Variants in HACD4 observed in about 807,000 individuals in gnomAD.
HACD4 encodes very-long-chain (3R)-3-hydroxyacyl-CoA dehydratase 4.
In HACD4, 35 loss-of-function variants were observed where a neutral mutation model predicts 33.3. That is an observed-to-expected ratio of 1.05 (90% CI 0.80 to 1.39). The LOEUF is 1.39. HACD4 is among the 40% of genes most tolerant of loss of function. The pLI, the probability that HACD4 is intolerant of heterozygous loss-of-function variation, is 0.00. For synonymous variants in HACD4, 118 were observed against 98.0 expected (o/e 1.20, Z -1.21); for missense variants, 323 against 276.5 (o/e 1.17, Z -1.19).
intron 4 of HACD4, among the ~76,000 whole-genome samples, chr9:21,013,555 C>G (rs1182145348): frequency 6.6e-6 from 1 of 152,158 alleles, no homozygotes; most frequent in African/African-American, 2.4e-5. Context: ...TATCTGGGTT[C>G]TAATAGGGAT....
In HACD4 at chr9:21,011,709, A is replaced by G; in HGVS notation, c.384-14T>C. On this transcript the variant is annotated splice_polypyrimidine_tract_variant and intron_variant, in intron 4 of 6. Coordinates refer to ENST00000495827, the MANE Select transcript of HACD4 (RefSeq NM_001010915.5). ...CTATAAGTGTACCTGAAAGGAGATG[A>G]GAAGCTCATAAACATCATTTTCTGC... 1 of 1,414,104 alleles carries G rather than the reference A, an allele frequency of 7.1e-7. No homozygotes were observed. The highest frequency in any genetic ancestry group is 9.9e-7 in the Non-Finnish European group (1 of 1,010,182). The allele number at this position is 1,414,104 out of a possible 1,614,324, so 87.6% of individuals were successfully genotyped here.
chr9:21,028,454 A>C (rs149538878), intron 2 of HACD4, among the ~76,000 whole-genome samples: 8 of 152,244 alleles, frequency 5.3e-5, no homozygotes, highest in Non-Finnish European at 1.2e-4. Context: ...AGGCGAGACT[A>C]TATCTGTAGA....
intron 4 of HACD4, among the ~76,000 whole-genome samples, chr9:21,013,115 C>T (rs936226368): frequency 1.0e-4 from 15 of 149,926 alleles, no homozygotes; most frequent in African/African-American, 3.4e-4. Flanking sequence ...TCCAATTTAT[C>T]TTTTTTTTCT....
chr9:21,020,023 A>G (rs745436290), intron 3 of HACD4, among the ~76,000 whole-genome samples: 17 of 152,056 alleles, frequency 1.1e-4, no homozygotes, highest in Non-Finnish European at 2.5e-4. Context: ...AAATCTTTAG[A>G]GGGATTTTTG....
At chr9:21,019,064 A>T (rs1366085517) in intron 3 of HACD4, among the ~76,000 whole-genome samples, 1 of 152,118 alleles carries the variant, frequency 6.6e-6, no homozygotes, top group Non-Finnish European at 1.5e-5. Flanking sequence ...AAATCTATAT[A>T]TTCAAAAACT....
intron 4 of HACD4, among the ~76,000 whole-genome samples, chr9:21,012,281 C>T (rs912466310): frequency 1.3e-5 from 2 of 152,142 alleles, no homozygotes; most frequent in Admixed American, 6.6e-5. Context: ...GAGCATATAT[C>T]AGAATCACCT....
chr9:21,016,897 TCA>T (rs1842568813), intron 3 of HACD4, among the ~76,000 whole-genome samples: 1 of 152,030 alleles, frequency 6.6e-6, no homozygotes, highest in South Asian at 2.1e-4. Flanking sequence ...CATTGAGACT[TCA>T]CACATTTTTG....
chr9:21,026,554 A>C, intron 3 of HACD4, 42 bp downstream of exon 3: 3 of 1,529,830 alleles, frequency 2.0e-6, no homozygotes, highest in Non-Finnish European at 1.8e-6. Flanking sequence ...AAAAAATGTA[A>C]AAATGAAACA....
intron 3 of HACD4, among the ~76,000 whole-genome samples, chr9:21,022,967 C>A (rs999249347): frequency 3.9e-5 from 6 of 152,048 alleles, no homozygotes; most frequent in Non-Finnish European, 5.9e-5. Flanking sequence ...TGGAACCAAC[C>A]CAAATGCCCA....
Position 21,002,153 on chromosome 9 carries a change from T to G in HACD4, c.*4884A>C, listed in dbSNP as rs1842176100. 2.0e-5 allele frequency: 3 copies of G among 152,118 alleles called. No individual in the cohort carries two copies. The highest frequency in any genetic ancestry group is 7.2e-5 in the African/African-American group (3 of 41,440). The allele number at this position is 152,118 out of a possible 1,614,324, so 9.4% of individuals were successfully genotyped here. On this transcript the variant is annotated 3_prime_UTR_variant, in exon 7 of 7. Transcript: ENST00000495827. Reference sequence around the variant, plus strand: ...GTATATTTTTGAAGTTCAGCTGGCATAAGTCCAAATTACCTTCCGGATATT... The same window carrying G: ...GTATATTTTTGAAGTTCAGCTGGCAGAAGTCCAAATTACCTTCCGGATATT...
At chr9:21,023,799 T>C (rs1211147380) in intron 3 of HACD4, among the ~76,000 whole-genome samples, 2 of 152,062 alleles carry the variant, frequency 1.3e-5, no homozygotes, top group Non-Finnish European at 2.9e-5. Context: ...ATGGTCTCGA[T>C]CTCTTGACCT....
In HACD4 at chr9:21,002,127, T is replaced by G. The variant is rs985106473; in HGVS notation, c.*4910A>C. The G allele has an allele frequency of 1.3e-5, 2 of 152,140 alleles. No homozygotes were observed. Among genetic ancestry groups the G allele is most frequent in the Non-Finnish European group, 2.9e-5 (2 of 67,980 alleles). 9.4% of individuals were successfully genotyped at this position (152,140 alleles called of 1,614,324 possible). On this transcript the variant is annotated 3_prime_UTR_variant, in exon 7 of 7. Transcript: ENST00000495827. ...ACAGAGATATAAAGAGCAGAATTTT[T>G]GTATATTTTTGAAGTTCAGCTGGCA...
At chr9:21,012,136 C>T (rs1420082764) in intron 4 of HACD4, among the ~76,000 whole-genome samples, 1 of 152,174 alleles carries the variant, frequency 6.6e-6, no homozygotes, top group Non-Finnish European at 1.5e-5. Flanking sequence ...GTTGTACTAT[C>T]TATGTGATCA....
At chr9:21,028,999 A>G (rs977561303) in intron 2 of HACD4, among the ~76,000 whole-genome samples, 1 of 152,200 alleles carries the variant, frequency 6.6e-6, no homozygotes, top group African/African-American at 2.4e-5. Flanking sequence ...AACACTAGAA[A>G]TCTGCTAAGG....
At chr9:21,028,793 G>A (rs1309638696) in intron 2 of HACD4, among the ~76,000 whole-genome samples, 1 of 152,142 alleles carries the variant, frequency 6.6e-6, no homozygotes, top group Non-Finnish European at 1.5e-5. Flanking sequence ...TATATAAGTG[G>A]TTAGCCCTCT....
In HACD4 at chr9:21,006,560, G is replaced by T. The variant is rs529221886; in HGVS notation, c.*477C>A. ...GTTTAGGGTGAGTATTATTAGATCT[G>T]AAGACAGACATCTGTCTATGAAATA... On this transcript the variant is annotated 3_prime_UTR_variant, in exon 7 of 7. Coordinates refer to ENST00000495827, the MANE Select transcript of HACD4 (RefSeq NM_001010915.5). This position sits in a 1 kb window ranked among gnomAD's most constrained non-coding sequence, Gnocchi z 4.6. The T allele has an allele frequency of 2.1e-5, 4 of 195,122 alleles. No individual in the cohort carries two copies. Among genetic ancestry groups the T allele is most frequent in the Non-Finnish European group, 4.1e-5 (4 of 97,210 alleles). 12.1% of individuals were successfully genotyped at this position (195,122 alleles called of 1,614,324 possible). A position where few individuals can be genotyped will look rare whatever the true frequency, so the allele number is the denominator to read the frequency against.
rs753341063 is a variant in HACD4 at position 21,007,999 on chromosome 9, C to G, written c.616+22G>C. The G allele has an allele frequency of 3.2e-6, 5 of 1,571,814 alleles. No homozygotes were observed. In the South Asian group the frequency reaches 3.6e-5, roughly 11 times the overall value. On this transcript the variant is annotated intron_variant, in intron 6 of 6. Transcript: ENST00000495827. ...AAAAAGTACAGGAAAAATGCAAAAA[C>G]AAGACCAAAAAAGCCACTTACCTAT...
chr9:21,015,702 C>T (rs1214182405), intron 4 of HACD4, 196 bp downstream of exon 4: 2 of 448,086 alleles, frequency 4.5e-6, no homozygotes, highest in Non-Finnish European at 8.0e-6. Context: ...CTTGTAATAC[C>T]ACGGTAGGTT....
chr9:21,022,137 C>A (rs1411822232), intron 3 of HACD4, among the ~76,000 whole-genome samples: 1 of 152,128 alleles, frequency 6.6e-6, no homozygotes, highest in African/African-American at 2.4e-5. Flanking sequence ...GGAAAGGATT[C>A]CCTATTTAAT....
Sources: gnomAD v4.1 joint callset for allele counts (sites outside exome capture counted in the v4.1 genomes callset) on GRCh38, gnomAD v4.1.1 for gene constraint, Gnocchi (gnomAD v3.1) non-coding constraint, MANE v1.5 for transcripts, NCBI Gene and HGNC (gene_info 2026-07-23, HGNC 2026-07-21) for gene names.